The following RAD9B variants were observed in gnomAD, a reference collection of about 807,000 sequenced individuals.
RAD9B encodes RAD9 checkpoint clamp component B, also known as cell cycle checkpoint control protein RAD9B.
Under a neutral mutation model 48.3 loss-of-function variants are expected in RAD9B, and 41 were observed. The ratio of observed to expected loss-of-function variants is 0.85; its 90% CI spans 0.66 to 1.10. The LOEUF (loss-of-function observed/expected upper bound fraction) is 1.10, where lower values mean the gene tolerates loss of function less well. Ranked by LOEUF, RAD9B falls within the 50% of genes least tolerant of loss-of-function variation. The pLI is 0.00. For missense variants in RAD9B, 444 were observed against 485.1 expected, an observed-to-expected ratio of 0.92 and a Z score of 0.80; for synonymous variants, 160 against 157.9, an observed-to-expected ratio of 1.01 and a Z score of -0.10.
At chr12:110,523,171 C>CA (rs1491494754) in intron 10 of RAD9B, among the ~76,000 whole-genome samples, 5 of 152,118 alleles carry the variant, frequency 3.3e-5, no homozygotes, top group African/African-American at 1.2e-4. Flanking sequence ...TGCAGTGACT[C>CA]ACGCCTGTAA....
At chr12:110,526,908 CAA>C (rs113540015) in intron 10 of RAD9B, among the ~76,000 whole-genome samples, 21 of 72,412 alleles carry the variant, frequency 2.9e-4, no homozygotes, top group Admixed American at 6.5e-4. Flanking sequence ...GACTCCATCT[CAA>C]AAAAAAAAAA....
rs998032952 is a variant in RAD9B, at chr12:110,514,271, A to G, written c.489-779A>G. Reference sequence around the variant, plus strand: ...TTAACAACAAGATTACATAAATTCTAAGAATTTTATTTTATCTTAATAATA... The same window carrying G: ...TTAACAACAAGATTACATAAATTCTGAGAATTTTATTTTATCTTAATAATA... On this transcript the variant is annotated intron_variant, in intron 5 of 10. Coordinates refer to ENST00000409300, the MANE Select transcript of RAD9B (RefSeq NM_001286535.2). 3.4e-5 allele frequency among the ~76,000 whole-genome samples: 5 copies of G among 147,582 alleles called. No individual in the cohort carries two copies. In the South Asian group the frequency reaches 6.3e-4, roughly 19 times the overall value.
intron 4 of RAD9B, among the ~76,000 whole-genome samples, chr12:110,508,767 A>G (rs889240825): frequency 2.0e-5 from 3 of 151,970 alleles, no homozygotes; most frequent in African/African-American, 7.3e-5. Flanking sequence ...GGTTTGATCC[A>G]GGGTGCAGCT....
At chr12:110,526,676 G>A (rs1447556109) in intron 10 of RAD9B, among the ~76,000 whole-genome samples, 2 of 151,826 alleles carry the variant, frequency 1.3e-5, no homozygotes, top group Admixed American at 6.6e-5. Context: ...TTGGGAGACC[G>A]AGACAGGCAG....
intron 10 of RAD9B, among the ~76,000 whole-genome samples, chr12:110,523,139 T>C (rs2063834266): frequency 6.6e-6 from 1 of 152,164 alleles, no homozygotes; most frequent in African/African-American, 2.4e-5. Context: ...TTTTGAAAGT[T>C]ACCATCACCA....
At chr12:110,504,846 T>G (rs1386638088) in intron 2 of RAD9B, among the ~76,000 whole-genome samples, 2 of 151,790 alleles carry the variant, frequency 1.3e-5, no homozygotes, top group Non-Finnish European at 2.9e-5. Flanking sequence ...ACAAAAAAAT[T>G]TTAAAAATTA....
chr12:110,526,945 A>G (rs1342948346), intron 10 of RAD9B, among the ~76,000 whole-genome samples: 1 of 152,022 alleles, frequency 6.6e-6, no homozygotes, highest in Non-Finnish European at 1.5e-5. Context: ...CATGCCTCCA[A>G]TTATGGCCAG....
intron 10 of RAD9B, among the ~76,000 whole-genome samples, chr12:110,526,988 C>A (rs1025944054): frequency 5.9e-5 from 9 of 151,572 alleles, no homozygotes; most frequent in African/African-American, 2.2e-4. Context: ...GACCCTTTAA[C>A]AAATTGCCAC....
chr12:110,525,660 T>TA (rs2063914230), intron 10 of RAD9B, among the ~76,000 whole-genome samples: 2 of 152,106 alleles, frequency 1.3e-5, no homozygotes, highest in South Asian at 4.1e-4. Flanking sequence ...ACTATATAGT[T>TA]ACTGTTTTTC....
rs190414375 is a variant in RAD9B, at chr12:110,531,778, A to G, written c.*1125A>G. On this transcript the variant is annotated 3_prime_UTR_variant, in exon 11 of 11. Transcript: ENST00000409300. ...AATCTGGCACAAAACATTGTTATGT[A>G]ATGTCTTATGATGTGTGCCTCTCCC... The G allele has an allele frequency of 1.4e-3, 1,005 of 705,636 alleles. 4 individuals carry two copies. The highest frequency in any genetic ancestry group is 6.2e-3 in the Middle Eastern group (26 of 4,192). The allele number at this position is 705,636 out of a possible 1,614,324, so 43.7% of individuals were successfully genotyped here.
In RAD9B at chr12:110,531,814, C is replaced by T; in HGVS notation, c.*1161C>T. Reference sequence around the variant, plus strand: ...ATGTGTGCCTCTCCCTCCCCCAAACCTGTTTACAGTCAATTATAACCTGAC... The same window carrying T: ...ATGTGTGCCTCTCCCTCCCCCAAACTTGTTTACAGTCAATTATAACCTGAC... On this transcript the variant is annotated 3_prime_UTR_variant, in exon 11 of 11. Coordinates refer to ENST00000409300, the MANE Select transcript of RAD9B (RefSeq NM_001286535.2). 1 of 558,578 alleles carries T rather than the reference C, an allele frequency of 1.8e-6. No homozygotes were observed. The highest frequency in any genetic ancestry group is 3.1e-6 in the Non-Finnish European group (1 of 320,700). The allele number at this position is 558,578 out of a possible 1,614,324, so 34.6% of individuals were successfully genotyped here. A position where few individuals can be genotyped will look rare whatever the true frequency, so the allele number is the denominator to read the frequency against.
intron 4 of RAD9B, among the ~76,000 whole-genome samples, chr12:110,507,569 T>TAC: frequency 1.4e-5 from 2 of 142,660 alleles, no homozygotes; most frequent in African/African-American, 5.2e-5. Context: ...ATATATGTAT[T>TAC]ATATATGTAT....
rs1163836228 is a variant in RAD9B, at chr12:110,506,601, G to A, written c.296G>A (p.Cys99Tyr). 1 of 1,590,328 alleles carries A rather than the reference G, an allele frequency of 6.3e-7. No homozygotes were observed. The highest frequency in any genetic ancestry group is 1.7e-5 in the Admixed American group (1 of 59,856). ...GMKSILPIFR[C>Y]LNSLERNIEK... ...CAGTCAATTTTGCCCATCTTTAGAT[G>A]TCTGAATTCCCTTGAAAGAAATATA... Residue 99 changes from cysteine (C) to tyrosine (Y), a missense_variant, in exon 4 of 11, where the codon TGT becomes TAT. By Grantham distance (194) the Cys-to-Tyr change is radical. Coordinates refer to ENST00000409300, the MANE Select transcript of RAD9B (RefSeq NM_001286535.2).
chr12:110,524,777 G>T (rs1349795345), intron 10 of RAD9B, among the ~76,000 whole-genome samples: 1 of 151,530 alleles, frequency 6.6e-6, no homozygotes, highest in African/African-American at 2.4e-5. Flanking sequence ...GGCCAGGCTG[G>T]TCTCAAACTT....
chr12:110,524,186 G>A (rs2063865260), intron 10 of RAD9B, among the ~76,000 whole-genome samples: 1 of 152,188 alleles, frequency 6.6e-6, no homozygotes, highest in Non-Finnish European at 1.5e-5. Flanking sequence ...TAGTAAAATG[G>A]GGGTAATAAT....
At chr12:110,527,553 T>G (rs887287245) in intron 10 of RAD9B, among the ~76,000 whole-genome samples, 1 of 152,184 alleles carries the variant, frequency 6.6e-6, no homozygotes. Context: ...CAGGGCTCAT[T>G]CATTTGTTGT....
chr12:110,519,627 G>A (rs532522301), intron 8 of RAD9B, among the ~76,000 whole-genome samples, 167 bp from the exon 9 acceptor site: 71 of 152,046 alleles, frequency 4.7e-4, no homozygotes, highest in African/African-American at 1.6e-3. Context: ...GTAGAGACGG[G>A]GTTTCTTCAT....
Position 110,512,969 on chromosome 12 carries a change from C to CT in RAD9B, c.488+91_488+92insT. On this transcript the variant is annotated intron_variant, in intron 5 of 10. Transcript: ENST00000409300. ...ATGCCCTAGAGCTTTTCAGTCGGCACATTTTTTTTTTTTTTATATGGAGTC... is the reference window on the plus strand; with the variant it reads ...ATGCCCTAGAGCTTTTCAGTCGGCACTATTTTTTTTTTTTTTATATGGAGTC... The CT allele has an allele frequency of 3.0e-5, 19 of 628,210 alleles. No individual in the cohort carries two copies. The South Asian group carries it at 3.5e-4, about 12-fold the overall frequency. 38.9% of individuals were successfully genotyped at this position (628,210 alleles called of 1,614,324 possible).
chr12:110,517,970 C>T (rs1421806374), intron 6 of RAD9B, among the ~76,000 whole-genome samples: 1 of 151,974 alleles, frequency 6.6e-6, no homozygotes, highest in Non-Finnish European at 1.5e-5. Flanking sequence ...GGGTGGATCA[C>T]GAGGTCAGGA....
Sources: gnomAD v4.1 joint callset for allele counts (sites outside exome capture counted in the v4.1 genomes callset) on GRCh38, gnomAD v4.1.1 for gene constraint, MANE v1.5 for transcripts, NCBI Gene and HGNC (gene_info 2026-07-23, HGNC 2026-07-21) for gene names.